E2F3: variants seen among roughly 807,000 people sequenced by gnomAD.
The protein encoded by E2F3 is E2F transcription factor 3.
Under a neutral mutation model 44.4 loss-of-function variants are expected in E2F3, and 11 were observed. The observed-to-expected ratio is 0.25, with a 90% CI of 0.16 to 0.41. E2F3 has a LOEUF of 0.41. Among genes scored for constraint, E2F3 ranks in the 10% least tolerant of loss-of-function variants. E2F3 has a pLI of 1.00. For synonymous variants in E2F3, 249 were observed against 253.0 expected (o/e 0.98, Z 0.15); for missense variants, 487 against 583.6 (o/e 0.83, Z 1.70).
intron 1 of E2F3, chr6:20,445,004 C>T (rs1287680193): frequency 6.7e-6 from 6 of 893,588 alleles, no homozygotes; most frequent in Non-Finnish European, 8.0e-6. Flanking sequence ...CAATACATGT[C>T]TTTTGAACTG....
chr6:20,464,611 C>G (rs1761640737), intron 1 of E2F3, among the ~76,000 whole-genome samples: 1 of 152,232 alleles, frequency 6.6e-6, no homozygotes, highest in Non-Finnish European at 1.5e-5. Flanking sequence ...CGCCCTGTGG[C>G]CTTGGGCAAC....
intron 1 of E2F3, chr6:20,403,765 C>T (rs909863475): frequency 1.2e-4 from 183 of 1,495,870 alleles, no homozygotes; most frequent in Non-Finnish European, 1.5e-4. Flanking sequence ...CTCCGGGCCC[C>T]CTCTCCAGCC....
intron 1 of E2F3, among the ~76,000 whole-genome samples, chr6:20,470,131 C>T (rs1761842331): frequency 6.6e-6 from 1 of 152,210 alleles, no homozygotes; most frequent in Non-Finnish European, 1.5e-5. Context: ...ACTTCACTCC[C>T]TTATCTGCAT....
chr6:20,402,300 C>T lies in E2F3; in HGVS notation c.68C>T (p.Ala23Val), dbSNP rs2127581186. The T allele has an allele frequency of 3.1e-6, 5 of 1,608,438 alleles. No homozygotes were observed. The highest frequency in any genetic ancestry group is 3.4e-6 in the Non-Finnish European group (4 of 1,178,540). Residue 23 changes from alanine (A) to valine (V), a missense_variant, in exon 1 of 7, where the codon GCT becomes GTT. Transcript: ENST00000346618. This position sits in a 1 kb window ranked among gnomAD's most constrained non-coding sequence, Gnocchi z 5.6. ...ACCGCCGGGGGTGGGGAGGGGGCGG[C>T]TGTCGTCGCCGCCGCCGCTGCAGCC... The part of the protein sequence containing the change: ...LVTAGGGEGA[A>V]VVAAAAAASM...
intron 4 of E2F3, among the ~76,000 whole-genome samples, chr6:20,485,248 T>C (rs953686867): frequency 2.0e-5 from 3 of 152,146 alleles, no homozygotes; most frequent in African/African-American, 7.2e-5. Flanking sequence ...TAGGCTTGGC[T>C]GTCAGGACAT....
intron 1 of E2F3, among the ~76,000 whole-genome samples, chr6:20,417,588 TAAAA>T (rs11344554): frequency 0.034 from 4,663 of 139,170 alleles, 95 homozygotes; most frequent in African/African-American, 0.067. Flanking sequence ...ATAATGGATT[TAAAA>T]AAAAAAAAAA....
intron 1 of E2F3, among the ~76,000 whole-genome samples, chr6:20,411,369 G>A (rs1434777480): frequency 6.6e-6 from 1 of 152,068 alleles, no homozygotes; most frequent in Non-Finnish European, 1.5e-5. Context: ...AGAGGCAATG[G>A]AACCTGCCTC....
chr6:20,421,213 G>A (rs973870119), intron 1 of E2F3, among the ~76,000 whole-genome samples: 1 of 152,108 alleles, frequency 6.6e-6, no homozygotes, highest in Admixed American at 6.5e-5. Context: ...TAAGGGTTGG[G>A]ATCAACTTCT....
At chr6:20,411,230 T>C (rs778304686) in intron 1 of E2F3, among the ~76,000 whole-genome samples, 2 of 152,178 alleles carry the variant, frequency 1.3e-5, no homozygotes, top group Admixed American at 6.5e-5. Context: ...ATTTCAATCC[T>C]GTACAGTAAA....
intron 1 of E2F3, among the ~76,000 whole-genome samples, chr6:20,465,946 C>T (rs1761689931): frequency 6.6e-6 from 1 of 152,100 alleles, no homozygotes; most frequent in South Asian, 2.1e-4. Flanking sequence ...GACTTCTTTT[C>T]CTCTGGGTAG....
At chr6:20,460,154 G>C (rs1761451334) in intron 1 of E2F3, among the ~76,000 whole-genome samples, 1 of 152,078 alleles carries the variant, frequency 6.6e-6, no homozygotes. Context: ...AACTTCTCAC[G>C]GGCTGACTGG....
In E2F3 at chr6:20,402,015, G is replaced by A; in HGVS notation, c.-218G>A. On this transcript the variant is annotated 5_prime_UTR_variant, in exon 1 of 7. Transcript: ENST00000346618. The surrounding 1 kb of genome is among the most constrained non-coding windows in gnomAD (Gnocchi z 5.6). ...TCCCCGCTTGGGGCCCGATATCCGT[G>A]CGGCCGGGACCCTCCTCTCTCCAGA... 4 of 705,690 alleles carry A rather than the reference G, an allele frequency of 5.7e-6. No homozygotes were observed. The highest frequency in any genetic ancestry group is 6.0e-6 in the Non-Finnish European group (3 of 496,798). The allele number at this position is 705,690 out of a possible 1,614,324, so 43.7% of individuals were successfully genotyped here. A position where few individuals can be genotyped will look rare whatever the true frequency, so the allele number is the denominator to read the frequency against.
chr6:20,475,941 G>A (rs527601994), intron 1 of E2F3, among the ~76,000 whole-genome samples: 3 of 152,242 alleles, frequency 2.0e-5, no homozygotes, highest in South Asian at 2.1e-4. Context: ...TCTTCCTGGC[G>A]GTCACAAGAA....
At chr6:20,486,295 A>C (rs780725103) in intron 4 of E2F3, among the ~76,000 whole-genome samples, 4 of 152,042 alleles carry the variant, frequency 2.6e-5, no homozygotes, top group African/African-American at 7.2e-5. Flanking sequence ...TTTTTTGAGA[A>C]GGAGTCTCGC....
At chr6:20,424,592 CT>C (rs10718406) in intron 1 of E2F3, among the ~76,000 whole-genome samples, 43,739 of 150,338 alleles carry the variant, frequency 0.29, 8,598 homozygotes, top group African/African-American at 0.55. Flanking sequence ...CTGTTACATA[CT>C]TTTTTTTTTC....
chr6:20,483,335 G>A (rs567015346), intron 4 of E2F3, among the ~76,000 whole-genome samples: 3 of 152,294 alleles, frequency 2.0e-5, no homozygotes, highest in Non-Finnish European at 4.4e-5. Context: ...GGTGTTAGCT[G>A]TCACTGTTGG....
At chr6:20,421,332 A>G (rs1760021174) in intron 1 of E2F3, among the ~76,000 whole-genome samples, 1 of 152,218 alleles carries the variant, frequency 6.6e-6, no homozygotes, top group African/African-American at 2.4e-5. Context: ...AATTTACTTT[A>G]TCCAGATCCT....
rs541918297 is a variant in E2F3 at position 20,491,920 on chromosome 6, A to G, written c.*1490A>G. 2.7e-5 allele frequency: 5 copies of G among 182,232 alleles called. No homozygotes were observed. The East Asian group carries it at 4.4e-4, about 16-fold the overall frequency. 11.3% of individuals were successfully genotyped at this position (182,232 alleles called of 1,614,324 possible). A position where few individuals can be genotyped will look rare whatever the true frequency, so the allele number is the denominator to read the frequency against. On this transcript the variant is annotated 3_prime_UTR_variant, in exon 7 of 7. Transcript: ENST00000346618. Reference sequence around the variant, plus strand: ...GCTGCAAATCCTACCAGTTATGTCCAAGAATGGCTTTCCCTCGGGCAGGTG... The same window carrying G: ...GCTGCAAATCCTACCAGTTATGTCCGAGAATGGCTTTCCCTCGGGCAGGTG...
intron 1 of E2F3, among the ~76,000 whole-genome samples, chr6:20,441,619 G>A (rs1048235290): frequency 2.6e-5 from 4 of 151,968 alleles, no homozygotes; most frequent in South Asian, 2.1e-4. Context: ...CTGTTGCCCA[G>A]GCTGGAGTGT....
Sources: gnomAD v4.1 joint callset for allele counts (sites outside exome capture counted in the v4.1 genomes callset) on GRCh38, gnomAD v4.1.1 for gene constraint, Gnocchi (gnomAD v3.1) non-coding constraint, MANE v1.5 for transcripts, NCBI Gene and HGNC (gene_info 2026-07-23, HGNC 2026-07-21) for gene names.